Variants in POT1 observed in about 807,000 individuals in gnomAD.
The protein encoded by POT1 is protection of telomeres 1, also known as protection of telomeres protein 1.
A neutral mutation model predicts 78.5 loss-of-function variants in POT1; 47 were observed. That is an observed-to-expected ratio of 0.60 (90% CI 0.47 to 0.76). The LOEUF (loss-of-function observed/expected upper bound fraction) is 0.76. Ranked by LOEUF, POT1 falls within the 30% of genes least tolerant of loss-of-function variation. POT1 has a pLI of 0.00. For missense variants in POT1, 646 were observed against 749.9 expected (o/e 0.86, Z 1.62); for synonymous variants, 259 against 260.7 (o/e 0.99, Z 0.06).
At chr7:124,846,916 A>T (rs1404884458) in intron 12 of POT1, 26 bp downstream of exon 12, 4 of 1,499,134 alleles carry the variant, frequency 2.7e-6, no homozygotes, top group Non-Finnish European at 3.7e-6. Context: ...TACTGTGCCC[A>T]TCTCAAAAAT....
chr7:124,841,274 A>G, intron 13 of POT1, 96 bp from the exon 14 acceptor site: 1 of 903,738 alleles, frequency 1.1e-6, no homozygotes, highest in East Asian at 2.4e-5. Flanking sequence ...TATCATTCTT[A>G]CATGTAGATG....
chr7:124,858,799 A>G (rs900647347), intron 9 of POT1, 158 bp downstream of exon 9: 2 of 456,554 alleles, frequency 4.4e-6, no homozygotes, highest in African/African-American at 4.0e-5. Flanking sequence ...TTAATAATTT[A>G]TTGTAACATA....
At chr7:124,852,092 T>A (rs566022657) in intron 10 of POT1, 141 bp from the exon 11 acceptor site, 1 of 579,184 alleles carries the variant, frequency 1.7e-6, no homozygotes, top group East Asian at 3.0e-5. Flanking sequence ...AAAGGATCTA[T>A]TGCTTTCATC....
chr7:124,838,645 A>G (rs768486960), intron 14 of POT1, among the ~76,000 whole-genome samples: 2 of 150,882 alleles, frequency 1.3e-5, no homozygotes, highest in African/African-American at 2.4e-5. Flanking sequence ...CGCTCTTGTT[A>G]CCCAGGCTGG....
At chr7:124,852,479 A>G (rs573136304) in intron 10 of POT1, among the ~76,000 whole-genome samples, 3 of 152,278 alleles carry the variant, frequency 2.0e-5, no homozygotes, top group African/African-American at 7.2e-5. Context: ...AAGCAGATCT[A>G]AATATATAGC....
rs542376703 is a variant in POT1 at position 124,920,470 on chromosome 7, T to C, written c.-226-4824A>G. Among the ~76,000 whole-genome samples, 6 of 152,268 alleles carry C rather than the reference T, an allele frequency of 3.9e-5. No individual in the cohort carries two copies. In the East Asian group the frequency reaches 1.2e-3, roughly 29 times the overall value. The stretch of plus-strand genomic sequence containing the variant: ...TTTTGGAAGGTGATGAACGAATTGA[T>C]TGTGATTGTGGTTACATACACATTT... On this transcript the variant is annotated intron_variant, in intron 2 of 18. Transcript: ENST00000357628.
chr7:124,844,049 T>TTA (rs1562982648), intron 12 of POT1, among the ~76,000 whole-genome samples: 1 of 152,124 alleles, frequency 6.6e-6, no homozygotes, highest in African/African-American at 2.4e-5. Flanking sequence ...TCACTTGCCT[T>TTA]TATCAGAGTG....
intron 9 of POT1, 173 bp from the exon 10 acceptor site, chr7:124,853,311 C>T (rs942139350): frequency 3.6e-6 from 2 of 551,220 alleles, no homozygotes; most frequent in Non-Finnish European, 6.4e-6. Flanking sequence ...GCTGCATGGA[C>T]ACTACATCAA....
intron 3 of POT1, among the ~76,000 whole-genome samples, chr7:124,909,335 T>C (rs1335253575): frequency 1.3e-5 from 2 of 151,904 alleles, no homozygotes; most frequent in Non-Finnish European, 1.5e-5. Flanking sequence ...ATTAAAATCT[T>C]GTTAAAATTC....
At chr7:124,880,957 C>G (rs907174421) in intron 6 of POT1, among the ~76,000 whole-genome samples, 2 of 151,894 alleles carry the variant, frequency 1.3e-5, no homozygotes, top group Non-Finnish European at 2.9e-5. Context: ...TGCTACAATG[C>G]AAGCTCTCTA....
chr7:124,837,518 T>G (rs1794927330), intron 14 of POT1, among the ~76,000 whole-genome samples: 1 of 151,998 alleles, frequency 6.6e-6, no homozygotes, highest in Admixed American at 6.6e-5. Flanking sequence ...CTATCAAAAC[T>G]CACACAAGGA....
chr7:124,878,854 G>C (rs976944516), intron 6 of POT1, among the ~76,000 whole-genome samples: 2 of 151,978 alleles, frequency 1.3e-5, no homozygotes, highest in East Asian at 1.9e-4. Flanking sequence ...GGTTACAGAA[G>C]AGAATATAAA....
rs556373250 is a variant in POT1, at chr7:124,894,332, G to A, written c.10-1952C>T. 7.1e-4 allele frequency among the ~76,000 whole-genome samples: 107 copies of A among 151,518 alleles called. 4 individuals are homozygous for A. Among genetic ancestry groups the A allele is most frequent in the Admixed American group, 6.9e-3 (105 of 15,184 alleles). On this transcript the variant is annotated intron_variant, in intron 5 of 18. Coordinates refer to ENST00000357628, the MANE Select transcript of POT1 (RefSeq NM_015450.3). ...TGGAAGAGAAGCATACTGAACAGTA[G>A]GGAGAAAACATGTGCTTAGCTTACA... is the stretch of plus-strand genomic sequence containing the variant.
At chr7:124,867,487 T>G (rs1365332405) in intron 7 of POT1, among the ~76,000 whole-genome samples, 1 of 152,138 alleles carries the variant, frequency 6.6e-6, no homozygotes, top group Non-Finnish European at 1.5e-5. Context: ...CCATGCTCAT[T>G]CCTATCACAG....
intron 3 of POT1, among the ~76,000 whole-genome samples, chr7:124,898,672 G>A (rs896992512): frequency 7.9e-5 from 12 of 152,118 alleles, no homozygotes; most frequent in African/African-American, 2.6e-4. Context: ...AAACTCAGAT[G>A]TTCCAATAGT....
In POT1 at chr7:124,874,632, G is replaced by A. The variant is rs536104411; in HGVS notation, c.125-3591C>T. The stretch of plus-strand genomic sequence containing the variant: ...CTCCTGTAATCCCAGCTACTTGGGA[G>A]GCTGAGGCAGGAGAATCGCTTGAGC... On this transcript the variant is annotated intron_variant, in intron 6 of 18. Coordinates refer to ENST00000357628, the MANE Select transcript of POT1 (RefSeq NM_015450.3). 1.8e-4 allele frequency among the ~76,000 whole-genome samples: 27 copies of A among 152,040 alleles called. 1 individual carries two copies. Among genetic ancestry groups the A allele is most frequent in the African/African-American group, 4.6e-4 (19 of 41,458 alleles).
chr7:124,916,199 A>C (rs901637338), intron 2 of POT1, among the ~76,000 whole-genome samples: 1 of 152,154 alleles, frequency 6.6e-6, no homozygotes, highest in Non-Finnish European at 1.5e-5. Flanking sequence ...TAAAATTTAA[A>C]AATAGATCCT....
At chr7:124,851,585 AAT>A (rs1795307228) in intron 11 of POT1, among the ~76,000 whole-genome samples, 2 of 152,248 alleles carry the variant, frequency 1.3e-5, no homozygotes, top group South Asian at 2.1e-4. Context: ...TGACAAGCAA[AAT>A]AGTCTATGAA....
intron 2 of POT1, among the ~76,000 whole-genome samples, chr7:124,924,850 A>G (rs1797235881): frequency 6.6e-6 from 1 of 152,122 alleles, no homozygotes; most frequent in Non-Finnish European, 1.5e-5. Context: ...AAACAGAATT[A>G]AGGACAAAAA....
Sources: allele counts gnomAD v4.1 joint callset (sites outside exome capture counted in the v4.1 genomes callset), GRCh38; gene constraint gnomAD v4.1.1; transcripts MANE v1.5; gene names NCBI Gene and HGNC (gene_info 2026-07-23, HGNC 2026-07-21).